PALS1: variants seen among roughly 807,000 people sequenced by gnomAD.
The protein encoded by PALS1 is protein associated with LIN7 1, MAGUK p55 family member.
A neutral mutation model predicts 78.9 loss-of-function variants in PALS1; 31 were observed. The ratio of observed to expected loss-of-function variants is 0.39; its 90% confidence interval spans 0.30 to 0.53. PALS1 has a LOEUF of 0.53. Ranked by LOEUF, PALS1 falls within the 20% of genes least tolerant of loss-of-function variation. PALS1 has a pLI of 0.67. For missense variants in PALS1, 704 were observed against 826.5 expected (o/e 0.85, Z 1.82); for synonymous variants, 276 against 270.9 (o/e 1.02, Z -0.18).
At chr14:67,331,919 T>TACA (rs2141066612) in intron 14 of PALS1, among the ~76,000 whole-genome samples, 1 of 152,230 alleles carries the variant, frequency 6.6e-6, no homozygotes, top group East Asian at 1.9e-4. Context: ...TATTCAGATG[T>TACA]ACAACATTCC....
chr14:67,281,255 T>C (rs2084605671), intron 3 of PALS1, among the ~76,000 whole-genome samples: 1 of 152,154 alleles, frequency 6.6e-6, no homozygotes, highest in South Asian at 2.1e-4. Flanking sequence ...TATAAATTTT[T>C]ATTCAGGATC....
intron 1 of PALS1, among the ~76,000 whole-genome samples, chr14:67,252,721 G>GA (rs990108113): frequency 6.6e-6 from 1 of 152,132 alleles, no homozygotes; most frequent in African/African-American, 2.4e-5. Context: ...TGTTGAGAAT[G>GA]AAAAAAAGCT....
chr14:67,314,296 C>A (rs901183075), intron 9 of PALS1, among the ~76,000 whole-genome samples: 1 of 152,198 alleles, frequency 6.6e-6, no homozygotes, highest in Non-Finnish European at 1.5e-5. Flanking sequence ...TAAGGAATCT[C>A]TTTTATCTCT....
At chr14:67,295,585 A>G (rs2140849785) in intron 4 of PALS1, among the ~76,000 whole-genome samples, 1 of 152,286 alleles carries the variant, frequency 6.6e-6, no homozygotes, top group African/African-American at 2.4e-5. Flanking sequence ...AGGAAATCCA[A>G]ATGGCCAATA....
At position 67,333,767 on chromosome 14, in the gene PALS1, A is replaced by G. The variant is rs1188397472; in HGVS notation, c.*811A>G. On this transcript the variant is annotated 3_prime_UTR_variant, in exon 15 of 15. Coordinates refer to ENST00000261681, the MANE Select transcript of PALS1 (RefSeq NM_022474.4). ...TCATCAGCATAGTATAATAGAATGT[A>G]TGTTACATTTTTATGAATGGCAGGT... 2 of 152,690 alleles carry G rather than the reference A, an allele frequency of 1.3e-5. No homozygotes were observed. Among genetic ancestry groups the G allele is most frequent in the South Asian group, 2.1e-4 (1 of 4,830 alleles). 9.5% of individuals were successfully genotyped at this position (152,690 alleles called of 1,614,324 possible).
chr14:67,291,234 C>T (rs1387502604), intron 3 of PALS1, among the ~76,000 whole-genome samples: 1 of 144,954 alleles, frequency 6.9e-6, no homozygotes, highest in Non-Finnish European at 1.5e-5. Context: ...ACTACCAGTG[C>T]TTTTTTTTTT....
intron 1 of PALS1, among the ~76,000 whole-genome samples, chr14:67,243,749 C>T (rs921290791): frequency 6.6e-6 from 1 of 150,658 alleles, no homozygotes; most frequent in African/African-American, 2.4e-5. Context: ...GCCCGCCTCG[C>T]CCTCCCAAAG....
In PALS1 at chr14:67,300,053, T is replaced by G. The variant is rs374331254; in HGVS notation, c.577-1336T>G. Among the ~76,000 whole-genome samples, 33 of 152,290 alleles carry G rather than the reference T, an allele frequency of 2.2e-4. No homozygotes were observed. In the South Asian group the frequency reaches 6.8e-3, roughly 32 times the overall value. ...CCTGGGTCTTAAAGCCTTAAAGCCTTGTCCATTGTAAGATTTTAGTTGAGT... is the reference window on the plus strand; with the variant it reads ...CCTGGGTCTTAAAGCCTTAAAGCCTGGTCCATTGTAAGATTTTAGTTGAGT... On this transcript the variant is annotated intron_variant, in intron 4 of 14. Transcript: ENST00000261681.
chr14:67,327,518 C>T (rs139433903), intron 14 of PALS1, among the ~76,000 whole-genome samples: 308 of 150,672 alleles, frequency 2.0e-3, no homozygotes, highest in African/African-American at 7.1e-3. Flanking sequence ...ACTTTAAGTT[C>T]TAGGGTACAT....
chr14:67,312,793 C>T, intron 9 of PALS1, 83 bp downstream of exon 9: 1 of 1,073,204 alleles, frequency 9.3e-7, no homozygotes, highest in South Asian at 2.8e-5. Flanking sequence ...CTCACTCTTT[C>T]ATGCCTCTAT....
At chr14:67,308,690 T>C (rs1045235355) in intron 8 of PALS1, among the ~76,000 whole-genome samples, 1 of 151,906 alleles carries the variant, frequency 6.6e-6, no homozygotes. Flanking sequence ...GGATTACAGC[T>C]ACCCTGTACC....
At chr14:67,263,627 G>C (rs925175780) in intron 1 of PALS1, among the ~76,000 whole-genome samples, 1 of 152,120 alleles carries the variant, frequency 6.6e-6, no homozygotes, top group Non-Finnish European at 1.5e-5. Context: ...ATACAGACTT[G>C]GTGTGTGTTT....
Position 67,321,127 on chromosome 14 carries a change from C to T in PALS1, c.1608C>T (p.Phe536=), listed in dbSNP as rs755148134. Reference sequence around the variant, plus strand: ...ACCACTTTGTTTCGCGGCAAGCATTCGAGGCAGACATAGCAGCTGGAAAGT... The same window carrying T: ...ACCACTTTGTTTCGCGGCAAGCATTTGAGGCAGACATAGCAGCTGGAAAGT... The part of the protein sequence containing the change: ...RDYHFVSRQA[F]EADIAAGKFI... Residue 536 remains phenylalanine, a synonymous_variant, in exon 13 of 15, where the codon TTC becomes TTT. Transcript: ENST00000261681. 4 of 1,614,102 alleles carry T rather than the reference C, an allele frequency of 2.5e-6. No individual in the cohort carries two copies. The highest frequency in any genetic ancestry group is 2.2e-5 in the South Asian group (2 of 91,090).
chr14:67,330,421 C>T (rs1644928320), intron 14 of PALS1, among the ~76,000 whole-genome samples: 1 of 150,714 alleles, frequency 6.6e-6, no homozygotes, highest in African/African-American at 2.4e-5. Flanking sequence ...ATTTTTGTTA[C>T]CATTTTGTTA....
chr14:67,257,762 A>G (rs954297458), intron 1 of PALS1, among the ~76,000 whole-genome samples: 1 of 152,202 alleles, frequency 6.6e-6, no homozygotes, highest in African/African-American at 2.4e-5. Flanking sequence ...TTCTCTATGC[A>G]GAACTCAGGT....
rs183956356 is a variant in PALS1, at chr14:67,331,695, A to G, written c.1852-1085A>G. The stretch of plus-strand genomic sequence containing the variant: ...CATTTTGGCACAAAATGGAATAACA[A>G]TGCCTTAAATTTGATAAAAACTAGG... On this transcript the variant is annotated intron_variant, in intron 14 of 14. Transcript: ENST00000261681. Among the ~76,000 whole-genome samples the G allele has an allele frequency of 4.6e-5, 7 of 152,310 alleles. No homozygotes were observed. In the East Asian group the frequency reaches 5.8e-4, roughly 13 times the overall value.
At chr14:67,268,132 A>G (rs527749410) in intron 1 of PALS1, among the ~76,000 whole-genome samples, 1 of 152,310 alleles carries the variant, frequency 6.6e-6, no homozygotes, top group South Asian at 2.1e-4. Context: ...TGTATGTTTA[A>G]CTTTTTAAGA....
chr14:67,300,802 A>G (rs2084921448), intron 4 of PALS1, among the ~76,000 whole-genome samples: 1 of 152,148 alleles, frequency 6.6e-6, no homozygotes, highest in African/African-American at 2.4e-5. Context: ...TGATTGTTCC[A>G]TTACACTCAT....
chr14:67,286,978 GAGGCCAAGGTGGGTGGATCA>G (rs1396077801), intron 3 of PALS1, among the ~76,000 whole-genome samples: 1 of 152,190 alleles, frequency 6.6e-6, no homozygotes, highest in Non-Finnish European at 1.5e-5. Flanking sequence ...AGCACTTTGG[GAGGCCAAGGTGGGTGGATCA>G]CTTGAGTCCA....
Sources: gnomAD v4.1 joint callset for allele counts (sites outside exome capture counted in the v4.1 genomes callset) on GRCh38, gnomAD v4.1.1 for gene constraint, MANE v1.5 for transcripts, NCBI Gene and HGNC (gene_info 2026-07-23, HGNC 2026-07-21) for gene names.